Variants in EFNA5 observed in about 807,000 individuals in gnomAD.
The protein encoded by EFNA5 is ephrin A5.
Under a neutral mutation model 22.9 loss-of-function variants are expected in EFNA5, and 5 were observed. The observed-to-expected ratio is 0.22, with a 90% CI of 0.11 to 0.46. EFNA5 has a LOEUF of 0.46. Ranked by LOEUF, EFNA5 falls within the 20% of genes least tolerant of loss-of-function variation. The pLI is 0.99. For missense variants in EFNA5, 237 were observed against 293.3 expected (o/e 0.81, Z 1.40); for synonymous variants, 113 against 112.2 (o/e 1.01, Z -0.04).
intron 1 of EFNA5, among the ~76,000 whole-genome samples, chr5:107,607,279 TCCCA>T (rs140103723): frequency 0.17 from 26,478 of 152,052 alleles, 2,749 homozygotes; most frequent in African/African-American, 0.27. Context: ...ATGATCCTTC[TCCCA>T]CCCCGGGTGG....
intron 2 of EFNA5, among the ~76,000 whole-genome samples, chr5:107,426,720 T>C (rs1748818625): frequency 6.6e-6 from 1 of 152,216 alleles, no homozygotes; most frequent in South Asian, 2.1e-4. Context: ...AAGACAGAGC[T>C]ACTCTTAATA....
chr5:107,552,514 A>G (rs1416075969), intron 1 of EFNA5, among the ~76,000 whole-genome samples: 1 of 152,222 alleles, frequency 6.6e-6, no homozygotes, highest in East Asian at 1.9e-4. Flanking sequence ...TGATAACTAC[A>G]GGCTCCAAAG....
chr5:107,658,744 G>A (rs1750880324), intron 1 of EFNA5, among the ~76,000 whole-genome samples: 1 of 152,104 alleles, frequency 6.6e-6, no homozygotes, highest in Admixed American at 6.6e-5. Context: ...CTGGGAGCTT[G>A]TTAGAAATGC....
chr5:107,661,779 T>C (rs1750965407), intron 1 of EFNA5, among the ~76,000 whole-genome samples: 1 of 152,210 alleles, frequency 6.6e-6, no homozygotes, highest in South Asian at 2.1e-4. Context: ...AACAAAGTTG[T>C]ATATCCCACT....
At chr5:107,528,648 G>A (rs1250933265) in intron 1 of EFNA5, among the ~76,000 whole-genome samples, 2 of 152,106 alleles carry the variant, frequency 1.3e-5, no homozygotes, top group Non-Finnish European at 2.9e-5. Flanking sequence ...TTTTTTCACA[G>A]CTAGAATGGT....
At chr5:107,408,169 G>A (rs550189094) in intron 2 of EFNA5, among the ~76,000 whole-genome samples, 10 of 149,098 alleles carry the variant, frequency 6.7e-5, no homozygotes, top group Non-Finnish European at 1.3e-4. Flanking sequence ...GCAAAACAAC[G>A]CACACACACA....
chr5:107,624,258 C>T (rs1181492968), intron 1 of EFNA5, among the ~76,000 whole-genome samples: 8 of 152,062 alleles, frequency 5.3e-5, no homozygotes, highest in African/African-American at 1.2e-4. Flanking sequence ...TTTAGCCTTC[C>T]GACCTGCATA....
At chr5:107,588,234 TAA>T (rs111263136) in intron 1 of EFNA5, among the ~76,000 whole-genome samples, 1 of 146,026 alleles carries the variant, frequency 6.8e-6, no homozygotes, top group Non-Finnish European at 1.5e-5. Context: ...TATTTTTCGT[TAA>T]AAAAAAAAAG....
chr5:107,540,371 G>T (rs1007314173), intron 1 of EFNA5, among the ~76,000 whole-genome samples: 8 of 152,202 alleles, frequency 5.3e-5, no homozygotes, highest in Middle Eastern at 3.4e-3. Flanking sequence ...AATATAAAAA[G>T]AATCCCATTT....
intron 1 of EFNA5, among the ~76,000 whole-genome samples, chr5:107,619,883 TAC>T (rs1160970): frequency 0.17 from 26,548 of 152,136 alleles, 2,459 homozygotes; most frequent in Admixed American, 0.23. Flanking sequence ...TAAGAGACAG[TAC>T]ACAGAGCTAA....
intron 1 of EFNA5, among the ~76,000 whole-genome samples, chr5:107,466,580 G>A (rs1046677554): frequency 7.9e-5 from 12 of 152,164 alleles, no homozygotes; most frequent in South Asian, 6.2e-4. Context: ...ATGTTCTCGC[G>A]AGATCGACTT....
At chr5:107,495,850 G>C (rs887821485) in intron 1 of EFNA5, among the ~76,000 whole-genome samples, 5 of 152,130 alleles carry the variant, frequency 3.3e-5, no homozygotes, top group Non-Finnish European at 7.3e-5. Flanking sequence ...GGTTCAGTTT[G>C]CCTGGAAGTG....
chr5:107,642,520 C>T (rs1295848676), intron 1 of EFNA5, among the ~76,000 whole-genome samples: 1 of 151,160 alleles, frequency 6.6e-6, no homozygotes, highest in Non-Finnish European at 1.5e-5. Context: ...ATTCTCAACC[C>T]TCCAAAACAA....
chr5:107,524,369 C>T (rs1470969310), intron 1 of EFNA5, among the ~76,000 whole-genome samples: 1 of 152,072 alleles, frequency 6.6e-6, no homozygotes, highest in Non-Finnish European at 1.5e-5. Context: ...AGAAAATGGC[C>T]CACAGCACAG....
chr5:107,566,998 A>G (rs757315958), intron 1 of EFNA5, among the ~76,000 whole-genome samples: 15 of 152,230 alleles, frequency 9.9e-5, no homozygotes, highest in Admixed American at 3.3e-4. Context: ...TTTGAATTTG[A>G]TAAGTTAATA....
intron 1 of EFNA5, among the ~76,000 whole-genome samples, chr5:107,643,723 G>T (rs2112546561): frequency 6.6e-6 from 1 of 152,132 alleles, no homozygotes; most frequent in Non-Finnish European, 1.5e-5. Context: ...CCAGAAGAGA[G>T]AAGAATTTAG....
intron 1 of EFNA5, among the ~76,000 whole-genome samples, chr5:107,557,765 G>A (rs549235385): frequency 2.2e-4 from 33 of 152,258 alleles, no homozygotes; most frequent in African/African-American, 7.9e-4. Context: ...TATATACAAA[G>A]TTTTGTTACC....
At chr5:107,599,666 A>C (rs1749548461) in intron 1 of EFNA5, among the ~76,000 whole-genome samples, 1 of 152,252 alleles carries the variant, frequency 6.6e-6, no homozygotes, top group South Asian at 2.1e-4. Flanking sequence ...ATATCACTGC[A>C]GTCTAGAAAG....
intron 1 of EFNA5, among the ~76,000 whole-genome samples, chr5:107,600,719 C>A (rs1749573922): frequency 6.6e-6 from 1 of 151,868 alleles, no homozygotes; most frequent in Non-Finnish European, 1.5e-5. Flanking sequence ...AACTCCTGAC[C>A]TCAAGTGATC....
Sources: allele counts gnomAD v4.1 joint callset (sites outside exome capture counted in the v4.1 genomes callset), GRCh38; gene constraint gnomAD v4.1.1; transcripts MANE v1.5; gene names NCBI Gene and HGNC (gene_info 2026-07-23, HGNC 2026-07-21).